SETD3: variants seen among roughly 807,000 people sequenced by gnomAD.
The protein encoded by SETD3 is SET domain containing 3, actin N3(tau)-histidine methyltransferase, also known as actin-histidine N-methyltransferase.
In SETD3, 19 loss-of-function variants were observed where a neutral mutation model predicts 63.0. That is an observed-to-expected ratio of 0.30 (90% CI 0.21 to 0.44). The LOEUF (loss-of-function observed/expected upper bound fraction) is 0.44. SETD3 is among the 20% of genes least tolerant of loss of function. The pLI is 1.00. For synonymous variants in SETD3, 286 were observed against 264.1 expected (o/e 1.08, Z -0.80); for missense variants, 587 against 728.5 (o/e 0.81, Z 2.24).
intron 8 of SETD3, among the ~76,000 whole-genome samples, chr14:99,408,662 T>C (rs1219491383): frequency 6.6e-6 from 1 of 152,198 alleles, no homozygotes; most frequent in Admixed American, 6.5e-5. Flanking sequence ...GTTTAACATG[T>C]CCACAGCAAC....
rs1268586411 is a variant in SETD3 at position 99,397,929 on chromosome 14, C to T, written c.*750G>A. 6.6e-6 allele frequency: 1 copy of T among 152,556 alleles called. No homozygotes were observed. Among genetic ancestry groups the T allele is most frequent in the African/African-American group, 2.4e-5 (1 of 41,404 alleles). The allele number at this position is 152,556 out of a possible 1,614,324, so 9.5% of individuals were successfully genotyped here. A position where few individuals can be genotyped will look rare whatever the true frequency, so the allele number is the denominator to read the frequency against. On this transcript the variant is annotated 3_prime_UTR_variant, in exon 13 of 13. Transcript: ENST00000331768. Reference sequence around the variant, plus strand: ...ACCAAGGCTGGAATCAAATGCACCACTTTAAAATCAGAGCCAACATTTAAA... The same window carrying T: ...ACCAAGGCTGGAATCAAATGCACCATTTTAAAATCAGAGCCAACATTTAAA...
intron 6 of SETD3, among the ~76,000 whole-genome samples, chr14:99,441,253 C>T (rs187290520): frequency 4.9e-4 from 75 of 152,314 alleles, no homozygotes; most frequent in African/African-American, 1.7e-3. Context: ...ATACCACTTA[C>T]GACTGAACCA....
chr14:99,412,870 A>C, intron 8 of SETD3, 81 bp downstream of exon 8: 2 of 969,220 alleles, frequency 2.1e-6, no homozygotes, highest in Non-Finnish European at 3.3e-6. Flanking sequence ...TACGATGGGT[A>C]GGTGGAATAA....
chr14:99,436,283 C>T (rs914474289), intron 6 of SETD3, among the ~76,000 whole-genome samples: 5 of 152,132 alleles, frequency 3.3e-5, no homozygotes, highest in Admixed American at 6.6e-5. Context: ...AAGTGACTCC[C>T]GGGAAAGTTC....
chr14:99,406,832 G>C (rs1471569012), intron 8 of SETD3, among the ~76,000 whole-genome samples: 1 of 152,230 alleles, frequency 6.6e-6, no homozygotes, highest in African/African-American at 2.4e-5. Flanking sequence ...GTTAGATAAA[G>C]AGACTATATA....
chr14:99,413,823 C>T (rs1387141500), intron 7 of SETD3, 53 bp downstream of exon 7: 2 of 1,570,048 alleles, frequency 1.3e-6, no homozygotes, highest in Non-Finnish European at 8.8e-7. Flanking sequence ...CAGGATCCCA[C>T]TTCACTTAGA....
At chr14:99,455,670 C>T (rs1894717173) in intron 6 of SETD3, among the ~76,000 whole-genome samples, 1 of 152,068 alleles carries the variant, frequency 6.6e-6, no homozygotes, top group Non-Finnish European at 1.5e-5. Context: ...GTGGGAAGAA[C>T]TGTGATTTTC....
At chr14:99,418,320 G>A (rs1892388622) in intron 6 of SETD3, among the ~76,000 whole-genome samples, 1 of 151,952 alleles carries the variant, frequency 6.6e-6, no homozygotes. Context: ...ATCTTGTTTT[G>A]CTTCACTCCT....
At chr14:99,456,019 G>A (rs1454279256) in intron 6 of SETD3, among the ~76,000 whole-genome samples, 1 of 152,204 alleles carries the variant, frequency 6.6e-6, no homozygotes, top group Non-Finnish European at 1.5e-5. Context: ...AGCCAGGCGT[G>A]GTGGCACATG....
At chr14:99,469,142 T>C (rs1490008932) in intron 1 of SETD3, among the ~76,000 whole-genome samples, 1 of 152,250 alleles carries the variant, frequency 6.6e-6, no homozygotes, top group Non-Finnish European at 1.5e-5. Flanking sequence ...GTAACTCCAA[T>C]TGTTCTCAAG....
At chr14:99,423,586 T>C (rs909322796) in intron 6 of SETD3, among the ~76,000 whole-genome samples, 3 of 9,888 alleles carry the variant, frequency 3.0e-4, no homozygotes, top group African/African-American at 9.0e-4. Context: ...AGCACTGTTA[T>C]GCAAAAAAAA....
chr14:99,441,838 T>C (rs1893834713), intron 6 of SETD3, among the ~76,000 whole-genome samples: 1 of 152,194 alleles, frequency 6.6e-6, no homozygotes, highest in Admixed American at 6.5e-5. Flanking sequence ...CTACTATTTA[T>C]ATTCCAAAAA....
chr14:99,437,794 T>G (rs1342307797), intron 6 of SETD3, among the ~76,000 whole-genome samples: 1 of 152,230 alleles, frequency 6.6e-6, no homozygotes, highest in Non-Finnish European at 1.5e-5. Flanking sequence ...CTTCAGTCAC[T>G]CAAAGAAACT....
intron 1 of SETD3, among the ~76,000 whole-genome samples, chr14:99,473,050 C>T (rs535060391): frequency 1.3e-5 from 2 of 152,318 alleles, no homozygotes; most frequent in East Asian, 3.9e-4. Flanking sequence ...CTTTAAAACA[C>T]CACATACCAC....
upstream of SETD3, chr14:99,481,003 G>A (rs3918030): frequency 2.2e-3 from 352 of 157,270 alleles, 1 homozygote; most frequent in African/African-American, 8.0e-3. Flanking sequence ...TTCCGTTCGG[G>A]GTCCTCCCCA....
chr14:99,422,656 CA>C (rs1892651407), intron 6 of SETD3, among the ~76,000 whole-genome samples: 1 of 152,216 alleles, frequency 6.6e-6, no homozygotes, highest in Non-Finnish European at 1.5e-5. Flanking sequence ...GAGCCTGAGA[CA>C]GCCACATTCT....
chr14:99,480,871 G>C (rs1163313358), upstream of SETD3: 2 of 155,370 alleles, frequency 1.3e-5, no homozygotes, highest in Non-Finnish European at 1.4e-5. Flanking sequence ...AGACGGCCCC[G>C]CGACCGCGGC....
intron 6 of SETD3, among the ~76,000 whole-genome samples, chr14:99,454,461 CAGG>C (rs1428325540): frequency 1.3e-5 from 2 of 152,096 alleles, no homozygotes; most frequent in Non-Finnish European, 2.9e-5. Flanking sequence ...TTTTGGCCAC[CAGG>C]AGTTTTGTTT....
intron 6 of SETD3, among the ~76,000 whole-genome samples, chr14:99,425,447 A>G (rs944326701): frequency 1.3e-5 from 2 of 152,236 alleles, no homozygotes; most frequent in African/African-American, 4.8e-5. Context: ...TAGCCCTGCA[A>G]AGCCCAGCGC....
Sources: gnomAD v4.1 joint callset for allele counts (sites outside exome capture counted in the v4.1 genomes callset) on GRCh38, gnomAD v4.1.1 for gene constraint, MANE v1.5 for transcripts, NCBI Gene and HGNC (gene_info 2026-07-23, HGNC 2026-07-21) for gene names.